ZSWIM6: variants seen among roughly 807,000 people sequenced by gnomAD.
The protein encoded by ZSWIM6 is zinc finger SWIM domain-containing protein 6.
ZSWIM6 carries 9 observed loss-of-function variants against 113.2 expected under a neutral mutation model. The observed-to-expected ratio is 0.08, with a 90% CI of 0.05 to 0.14. The LOEUF is 0.14. Ranked by LOEUF, ZSWIM6 falls within the 10% of genes least tolerant of loss-of-function variation. ZSWIM6 has a pLI of 1.00. For synonymous variants in ZSWIM6, 611 were observed against 606.5 expected (o/e 1.01, Z -0.11); for missense variants, 1,162 against 1,552.2 (o/e 0.75, Z 4.22).
chr5:61,380,182 T>G (rs56805935), intron 1 of ZSWIM6, among the ~76,000 whole-genome samples: 4,979 of 152,220 alleles, frequency 0.033, 258 homozygotes, highest in African/African-American at 0.11. Flanking sequence ...TTCAAGTGAT[T>G]CTCTTGCCTC....
intron 7 of ZSWIM6, among the ~76,000 whole-genome samples, chr5:61,527,683 C>A (rs1201530886): frequency 6.6e-6 from 1 of 152,098 alleles, no homozygotes; most frequent in East Asian, 1.9e-4. Context: ...GAATTTATTT[C>A]TGAATAGTAT....
At chr5:61,537,290 T>C (rs1374938348) in intron 10 of ZSWIM6, among the ~76,000 whole-genome samples, 4 of 152,210 alleles carry the variant, frequency 2.6e-5, no homozygotes, top group African/African-American at 4.8e-5. Flanking sequence ...GAATTTTTTT[T>C]CCACTTTCTC....
intron 4 of ZSWIM6, among the ~76,000 whole-genome samples, chr5:61,505,994 C>T (rs1281872894): frequency 6.6e-6 from 1 of 151,854 alleles, no homozygotes; most frequent in African/African-American, 2.4e-5. Flanking sequence ...GATCCACCCA[C>T]CTCGACCTCC....
At chr5:61,420,183 A>G (rs779653269) in intron 1 of ZSWIM6, among the ~76,000 whole-genome samples, 1 of 152,280 alleles carries the variant, frequency 6.6e-6, no homozygotes, top group African/African-American at 2.4e-5. Context: ...AGGGCATCAC[A>G]TTGAATTAAT....
At chr5:61,483,773 A>G (rs1747942383) in intron 2 of ZSWIM6, among the ~76,000 whole-genome samples, 1 of 151,300 alleles carries the variant, frequency 6.6e-6, no homozygotes, top group Non-Finnish European at 1.5e-5. Flanking sequence ...GCTACTTGGG[A>G]GGCTGAGGCA....
At chr5:61,421,206 C>G (rs1746348425) in intron 1 of ZSWIM6, among the ~76,000 whole-genome samples, 1 of 152,176 alleles carries the variant, frequency 6.6e-6, no homozygotes, top group Admixed American at 6.5e-5. Context: ...AAGCTAGAGC[C>G]ACTGTGCCTG....
intron 1 of ZSWIM6, among the ~76,000 whole-genome samples, chr5:61,404,099 C>T (rs1745998047): frequency 6.6e-6 from 1 of 151,990 alleles, no homozygotes; most frequent in African/African-American, 2.4e-5. Context: ...GCTCCGCCTC[C>T]CGGGTTCACT....
intron 4 of ZSWIM6, among the ~76,000 whole-genome samples, chr5:61,520,053 G>A (rs1426955181): frequency 1.3e-5 from 2 of 152,158 alleles, no homozygotes; most frequent in African/African-American, 4.8e-5. Context: ...TTCCTAACAG[G>A]CCATGGCTCA....
At chr5:61,515,227 C>T (rs1020849227) in intron 4 of ZSWIM6, among the ~76,000 whole-genome samples, 6 of 152,172 alleles carry the variant, frequency 3.9e-5, no homozygotes, top group Non-Finnish European at 5.9e-5. Flanking sequence ...CTCCCTGGTT[C>T]AAGCAATTCC....
intron 4 of ZSWIM6, among the ~76,000 whole-genome samples, chr5:61,505,728 C>CCTCT (rs201304487): frequency 1.7e-4 from 21 of 123,910 alleles, no homozygotes; most frequent in East Asian, 9.0e-4. Flanking sequence ...TCCTTCCTTC[C>CCTCT]CTCTCTCTCT....
chr5:61,334,076 T>G (rs6881289), intron 1 of ZSWIM6, among the ~76,000 whole-genome samples: 6,522 of 152,318 alleles, frequency 0.043, 464 homozygotes, highest in African/African-American at 0.15. Context: ...AAGAGTCTCT[T>G]TCTTTTCAGG....
intron 1 of ZSWIM6, chr5:61,391,225 A>G: frequency 2.2e-6 from 2 of 901,820 alleles, no homozygotes; most frequent in South Asian, 1.3e-5. Context: ...GACGTCGATC[A>G]TCTTGTCCTG....
At chr5:61,412,977 T>A (rs957322868) in intron 1 of ZSWIM6, among the ~76,000 whole-genome samples, 9 of 149,858 alleles carry the variant, frequency 6.0e-5, no homozygotes, top group African/African-American at 2.0e-4. Context: ...TTTTTTTTTT[T>A]ATTTCACTAT....
At chr5:61,354,080 G>T (rs1169376592) in intron 1 of ZSWIM6, among the ~76,000 whole-genome samples, 1 of 152,222 alleles carries the variant, frequency 6.6e-6, no homozygotes, top group East Asian at 1.9e-4. Context: ...GATGAGGAAA[G>T]GTTATCTTTC....
At chr5:61,359,771 A>G (rs1236618617) in intron 1 of ZSWIM6, among the ~76,000 whole-genome samples, 1 of 152,082 alleles carries the variant, frequency 6.6e-6, no homozygotes, top group Admixed American at 6.6e-5. Flanking sequence ...TACTTTCTAA[A>G]CTCATTTTAT....
chr5:61,367,341 G>T (rs973246641), intron 1 of ZSWIM6, among the ~76,000 whole-genome samples: 2 of 152,012 alleles, frequency 1.3e-5, no homozygotes, highest in Admixed American at 1.3e-4. Context: ...CTGCAGCCTT[G>T]TACTCCTGGG....
In ZSWIM6 at chr5:61,543,045, G is replaced by C. The variant is rs569140051; in HGVS notation, c.2786-410G>C. On this transcript the variant is annotated intron_variant, in intron 13 of 13. Transcript: ENST00000252744. This position sits in a 1 kb window ranked among gnomAD's most constrained non-coding sequence, Gnocchi z 4.3. ...TGTGTGTTTTAAACTTTTGTATTAT[G>C]TGTACTTTTACCTTACACACAAGCA... is the stretch of plus-strand genomic sequence containing the variant. Among the ~76,000 whole-genome samples the C allele has an allele frequency of 8.5e-4, 129 of 152,260 alleles. No homozygotes were observed. The highest frequency in any genetic ancestry group is 1.3e-3 in the Admixed American group (20 of 15,302).
chr5:61,489,381 G>T (rs1343465332), intron 2 of ZSWIM6, among the ~76,000 whole-genome samples: 1 of 152,044 alleles, frequency 6.6e-6, no homozygotes, highest in South Asian at 2.1e-4. Context: ...TTATATATAT[G>T]ATTATTAGAT....
At chr5:61,490,579 A>T (rs781697492) in intron 2 of ZSWIM6, among the ~76,000 whole-genome samples, 8 of 152,116 alleles carry the variant, frequency 5.3e-5, no homozygotes, top group Non-Finnish European at 5.9e-5. Flanking sequence ...GAAATATCTC[A>T]ATTCTAAAGT....
Sources: gnomAD v4.1 joint callset for allele counts (sites outside exome capture counted in the v4.1 genomes callset) on GRCh38, gnomAD v4.1.1 for gene constraint, Gnocchi (gnomAD v3.1) non-coding constraint, MANE v1.5 for transcripts, NCBI Gene and HGNC (gene_info 2026-07-23, HGNC 2026-07-21) for gene names.